The following OSBPL10 variants were observed in gnomAD, a reference collection of about 807,000 sequenced individuals.
The protein encoded by OSBPL10 is oxysterol-binding protein-related protein 10.
Under a neutral mutation model 81.7 loss-of-function variants are expected in OSBPL10, and 49 were observed. That is an observed-to-expected ratio of 0.60 (90% CI 0.48 to 0.76). OSBPL10 has a LOEUF of 0.76. Among genes scored for constraint, OSBPL10 ranks in the 30% least tolerant of loss-of-function variants. OSBPL10 has a pLI of 0.00. For synonymous variants in OSBPL10, 419 were observed against 383.6 expected (o/e 1.09, Z -1.08); for missense variants, 923 against 987.8 (o/e 0.93, Z 0.88).
At chr3:31,981,662 C>T (rs533742715), upstream of OSBPL10, 3 of 154,474 alleles carry the variant, frequency 1.9e-5, no homozygotes, top group South Asian at 2.1e-4. The surrounding 1 kb of genome is among the most constrained non-coding windows in gnomAD (Gnocchi z 4.5). Context: ...CTCCCCACCC[C>T]TTATCCACCT....
chr3:31,874,605 T>C (rs1014919010), intron 3 of OSBPL10, among the ~76,000 whole-genome samples: 2 of 152,092 alleles, frequency 1.3e-5, no homozygotes, highest in African/African-American at 4.8e-5. Flanking sequence ...CAATAAACAT[T>C]TGAAGACATA....
At chr3:31,997,116 T>A (rs547022730) in intron 2 of OSBPL10, among the ~76,000 whole-genome samples, 1 of 152,300 alleles carries the variant, frequency 6.6e-6, no homozygotes, top group African/African-American at 2.4e-5. Flanking sequence ...CTAGCACACA[T>A]TATGCAGTAA....
rs751501798 is a variant in OSBPL10 at position 31,981,142 on chromosome 3, C to T, written c.38G>A (p.Gly13Asp). The T allele has an allele frequency of 4.0e-6, 6 of 1,490,710 alleles. No homozygotes were observed. The South Asian group carries it at 5.1e-5, about 13-fold the overall frequency. The allele number at this position is 1,490,710 out of a possible 1,614,324, so 92.3% of individuals were successfully genotyped here. A position where few individuals can be genotyped will look rare whatever the true frequency, so the allele number is the denominator to read the frequency against. The change falls in exon 1 of 12, where the codon GGT (glycine) becomes GAT (aspartate). Residue 13 changes from glycine to aspartate, a missense_variant. This residue lies in a region of OSBPL10 where 514 missense variants were observed against 508.0 expected (regional missense o/e 1.01). Coordinates refer to ENST00000396556, the MANE Select transcript of OSBPL10 (RefSeq NM_017784.5). The surrounding 1 kb of genome is among the most constrained non-coding windows in gnomAD (Gnocchi z 4.5). ...GCTGCTGCGGCTGCTGCTGTTGCTA[C>T]CCCCGCCGCCGTCTGTGCCCTGGAC... is the stretch of plus-strand genomic sequence containing the variant. ...RAVQGTDGGG[G>D]SNSSSRSSSR...
chr3:31,902,297 C>T (rs1459640704), intron 1 of OSBPL10, among the ~76,000 whole-genome samples: 2 of 141,558 alleles, frequency 1.4e-5, no homozygotes, highest in African/African-American at 5.4e-5. Flanking sequence ...GAGTCCCACT[C>T]TGTCGCCCAG....
chr3:31,707,928 T>C (rs1696124885), intron 6 of OSBPL10, among the ~76,000 whole-genome samples: 1 of 151,864 alleles, frequency 6.6e-6, no homozygotes, highest in Non-Finnish European at 1.5e-5. Context: ...GAGACATAGA[T>C]AGAGGCTAGG....
intron 1 of OSBPL10, among the ~76,000 whole-genome samples, chr3:31,972,413 ACT>A (rs1270290211): frequency 6.6e-6 from 1 of 151,882 alleles, no homozygotes; most frequent in African/African-American, 2.4e-5. Context: ...AAGTTTCCCG[ACT>A]CTGCCCAGAC....
chr3:31,846,061 G>A (rs569820734), intron 3 of OSBPL10, among the ~76,000 whole-genome samples: 1 of 152,196 alleles, frequency 6.6e-6, no homozygotes, highest in African/African-American at 2.4e-5. Flanking sequence ...CACCCAGGAT[G>A]AAGTGCAGCG....
At chr3:31,779,910 T>C (rs886181939) in intron 4 of OSBPL10, among the ~76,000 whole-genome samples, 1 of 152,188 alleles carries the variant, frequency 6.6e-6, no homozygotes, top group African/African-American at 2.4e-5. Context: ...CTCAAGAATA[T>C]ACAAATACAT....
intron 4 of OSBPL10, among the ~76,000 whole-genome samples, chr3:31,773,289 CAT>C (rs1363405311): frequency 6.6e-6 from 1 of 152,150 alleles, no homozygotes; most frequent in East Asian, 1.9e-4. Flanking sequence ...GCATATCTGA[CAT>C]AAATATTTTC....
chr3:32,017,558 G>A (rs751419363), intron 2 of OSBPL10, among the ~76,000 whole-genome samples: 1 of 152,084 alleles, frequency 6.6e-6, no homozygotes, highest in Non-Finnish European at 1.5e-5. Flanking sequence ...GTCTGTTTGG[G>A]CCCAGGGTTC....
intron 3 of OSBPL10, among the ~76,000 whole-genome samples, chr3:31,837,261 A>C (rs1700375979): frequency 6.7e-6 from 1 of 149,074 alleles, no homozygotes; most frequent in Non-Finnish European, 1.5e-5. Context: ...ATAAACACAC[A>C]ACACACCTCT....
Position 31,747,953 on chromosome 3 carries a change from A to C in OSBPL10, c.897T>G (p.Ser299Arg), listed in dbSNP as rs775048426. 1.2e-6 allele frequency: 2 copies of C among 1,613,796 alleles called. No individual in the cohort carries two copies. The highest frequency in any genetic ancestry group is 1.3e-5 in the African/African-American group (1 of 74,868). Residue 299 changes from serine (S) to arginine (R), a missense_variant, in exon 5 of 12, where the codon AGT becomes AGG. Coordinates refer to ENST00000396556, the MANE Select transcript of OSBPL10 (RefSeq NM_017784.5). ...GGCTGGGCTGGCCCGCCTGGTGCAC[A>C]CTCTGCTGTAACAAGTTGAGGCACT... ...LGECLNLLQQ[S>R]VHQAGQPSQK...
chr3:31,736,100 C>T lies in OSBPL10; in HGVS notation c.941-2689G>A, dbSNP rs116172187. On this transcript the variant is annotated intron_variant, in intron 5 of 11. Coordinates refer to ENST00000396556, the MANE Select transcript of OSBPL10 (RefSeq NM_017784.5). ...AAGACATAGAATAGAATGGTGGTTG[C>T]TGAGGGTTGGAGAGTGGATGGGAGG... Among the ~76,000 whole-genome samples the T allele has an allele frequency of 2.1e-3, 317 of 152,172 alleles. 1 individual carries two copies. The highest frequency in any genetic ancestry group is 7.1e-3 in the African/African-American group (296 of 41,534).
At chr3:31,812,795 A>AAAGAAAGGAAGGAAGGAAGG in intron 4 of OSBPL10, among the ~76,000 whole-genome samples, 1 of 54,892 alleles carries the variant, frequency 1.8e-5, no homozygotes, top group Non-Finnish European at 3.5e-5. Flanking sequence ...AGAAAGAAAG[A>AAAGAAAGGAAGGAAGGAAGG]AAGAAAGAAA....
intron 2 of OSBPL10, chr3:31,990,651 C>G (rs760174434): frequency 1.9e-6 from 3 of 1,613,922 alleles, no homozygotes; most frequent in Non-Finnish European, 2.5e-6. Flanking sequence ...AACAAGCAAC[C>G]CTTGCACGTC....
upstream of OSBPL10, among the ~76,000 whole-genome samples, chr3:31,985,736 CAT>C (rs750147074): frequency 5.3e-5 from 8 of 152,216 alleles, no homozygotes; most frequent in Non-Finnish European, 8.8e-5. Context: ...GTGTTAGAAA[CAT>C]GTGGTCTGAT....
Position 31,981,041 on chromosome 3 carries a change from C to T in OSBPL10, c.139G>A (p.Ala47Thr). 1.4e-6 allele frequency: 2 copies of T among 1,477,112 alleles called. No homozygotes were observed. The highest frequency in any genetic ancestry group is 2.5e-5 in the Admixed American group (1 of 39,718). The allele number at this position is 1,477,112 out of a possible 1,614,324, so 91.5% of individuals were successfully genotyped here. Residue 47 changes from alanine (A) to threonine (T), a missense_variant, in exon 1 of 12, where the codon GCC becomes ACC. Physicochemically the swap from Ala to Thr is moderately conservative, Grantham distance 58 (BLOSUM62 0). Coordinates refer to ENST00000396556, the MANE Select transcript of OSBPL10 (RefSeq NM_017784.5). This position sits in a 1 kb window ranked among gnomAD's most constrained non-coding sequence, Gnocchi z 4.5. The stretch of plus-strand genomic sequence containing the variant: ...CGGCTTCCCCCGCCGCCGAGCCCGG[C>T]CGCCGCCGACCGGCTGGAGACCCCC... ...GRGVSSRSAAAGLGGGGSRSS... is the reference protein window; with the variant it reads ...GRGVSSRSAATGLGGGGSRSS...
chr3:32,023,414 T>A (rs1699375680), intron 2 of OSBPL10, among the ~76,000 whole-genome samples: 2 of 152,220 alleles, frequency 1.3e-5, no homozygotes. Flanking sequence ...TCCCCAGCCA[T>A]GTGAAACTGT....
chr3:31,747,430 C>T (rs968340005), intron 5 of OSBPL10, among the ~76,000 whole-genome samples: 16 of 141,844 alleles, frequency 1.1e-4, no homozygotes, highest in African/African-American at 3.6e-4. Flanking sequence ...TGAAAGGTTC[C>T]GTGTCCATTT....
Sources: gnomAD v4.1 joint callset for allele counts (sites outside exome capture counted in the v4.1 genomes callset) on GRCh38, gnomAD v4.1.1 for gene constraint, gnomAD v4.1.1 regional missense constraint, Gnocchi (gnomAD v3.1) non-coding constraint, MANE v1.5 for transcripts, NCBI Gene and HGNC (gene_info 2026-07-23, HGNC 2026-07-21) for gene names.